The following CACNA1G variants were observed in gnomAD, a reference collection of about 807,000 sequenced individuals.
CACNA1G encodes calcium voltage-gated channel subunit alpha1 G.
CACNA1G carries 67 observed loss-of-function variants against 219.4 expected under a neutral mutation model. The observed-to-expected ratio is 0.31, with a 90% confidence interval of 0.25 to 0.37. The LOEUF (loss-of-function observed/expected upper bound fraction) is 0.37, where lower values mean the gene tolerates loss of function less well. Ranked by LOEUF, CACNA1G falls within the 10% of genes least tolerant of loss-of-function variation. The pLI is 1.00. For missense variants in CACNA1G, 2,380 were observed against 3,231.4 expected (o/e 0.74, Z 6.39); for synonymous variants, 1,296 against 1,345.3 (o/e 0.96, Z 0.80).
intron 22 of CACNA1G, 61 bp downstream of exon 22, chr17:50,604,342 C>T: frequency 4.4e-6 from 7 of 1,581,836 alleles, no homozygotes; most frequent in South Asian, 1.1e-5. Flanking sequence ...TTCCCCTTGG[C>T]CCCTGGGTCC....
chr17:50,609,824 G>A, intron 25 of CACNA1G, 58 bp from the exon 26 acceptor site: 1 of 1,531,860 alleles, frequency 6.5e-7, no homozygotes, highest in Non-Finnish European at 9.0e-7. Context: ...GCCCCTGAGG[G>A]GCCCTGCCCA....
intron 1 of CACNA1G, among the ~76,000 whole-genome samples, chr17:50,564,094 T>A (rs2036915593): frequency 6.6e-6 from 1 of 150,718 alleles, no homozygotes. Flanking sequence ...GGACCAGGTT[T>A]CCTAGAGAGG....
chr17:50,576,354 G>A, intron 8 of CACNA1G, 28 bp downstream of exon 8: 1 of 1,555,956 alleles, frequency 6.4e-7, no homozygotes, highest in African/African-American at 1.4e-5. Flanking sequence ...AGGCATGTGG[G>A]TGCCCTCGTC....
intron 36 of CACNA1G, 120 bp from the exon 37 acceptor site, chr17:50,624,240 G>A: frequency 4.8e-6 from 6 of 1,249,552 alleles, no homozygotes; most frequent in Non-Finnish European, 6.8e-6. Context: ...AGGGGGTAAG[G>A]GTAGAGGCCC....
chr17:50,626,657 G>A lies in CACNA1G; in HGVS notation c.7040G>A (p.Gly2347Asp). 10 of 1,613,054 alleles carry A rather than the reference G, an allele frequency of 6.2e-6. No individual in the cohort carries two copies. The highest frequency in any genetic ancestry group is 8.5e-6 in the Non-Finnish European group (10 of 1,179,780). ...SSDSKDPLAS[G>D]PPDSMAASPS... ...GACTCCAAGGATCCCTTGGCCTCTG[G>A]CCCCCCTGACAGCATGGCTGCCTCG... is the stretch of plus-strand genomic sequence containing the variant. Residue 2347 changes from glycine (G) to aspartate (D), a missense_variant, in exon 38 of 38, where the codon GGC becomes GAC. Coordinates refer to ENST00000359106, the MANE Select transcript of CACNA1G (RefSeq NM_018896.5). This position sits in a 1 kb window ranked among gnomAD's most constrained non-coding sequence, Gnocchi z 4.3.
At chr17:50,583,264 G>A (rs1322334494) in intron 9 of CACNA1G, among the ~76,000 whole-genome samples, 1 of 152,146 alleles carries the variant, frequency 6.6e-6, no homozygotes, top group Non-Finnish European at 1.5e-5. Context: ...GCAGCTGACT[G>A]GCCCCAGACA....
At chr17:50,611,920 T>C (rs1157775163) in intron 26 of CACNA1G, among the ~76,000 whole-genome samples, 2 of 152,312 alleles carry the variant, frequency 1.3e-5, no homozygotes, top group East Asian at 1.9e-4. Flanking sequence ...CTGAAGTGGA[T>C]AGACCCCACT....
At chr17:50,602,584 G>A (rs2046959267) in intron 19 of CACNA1G, among the ~76,000 whole-genome samples, 1 of 152,190 alleles carries the variant, frequency 6.6e-6, no homozygotes, top group South Asian at 2.1e-4. Flanking sequence ...CTGTGGGGGC[G>A]GGGAGCTCTG....
chr17:50,574,844 G>A (rs778215758), intron 7 of CACNA1G, among the ~76,000 whole-genome samples: 6 of 152,198 alleles, frequency 3.9e-5, no homozygotes, highest in Non-Finnish European at 8.8e-5. Context: ...GAGGCGTGGA[G>A]ATGGGGACTG....
chr17:50,624,083 G>A lies in CACNA1G; in HGVS notation c.6229+8G>A, dbSNP rs1257104012. The A allele has an allele frequency of 5.0e-6, 8 of 1,607,622 alleles. No individual in the cohort carries two copies. The highest frequency in any genetic ancestry group is 2.2e-5 in the East Asian group (1 of 44,704). On this transcript the variant is annotated splice_region_variant and intron_variant, in intron 36 of 37. Transcript: ENST00000359106. ...TCCCCAAAGCTCAGTCAGGTACCAGGGCTAGAGCAGGCCAATTTGGCTCAC... is the reference window on the plus strand; with the variant it reads ...TCCCCAAAGCTCAGTCAGGTACCAGAGCTAGAGCAGGCCAATTTGGCTCAC...
rs1198454286 is a variant in CACNA1G at position 50,608,006 on chromosome 17, G to A, written c.4692G>A (p.Glu1564=). Residue 1564 remains glutamate (E), a synonymous_variant, in exon 25 of 38, where the codon GAG becomes GAA. Transcript: ENST00000359106. ...AGGAGAAGCGCCTACGAAGACTGGA[G>A]AAAAAGAGAAGGAGTAAGGAGAAGC... is the stretch of plus-strand genomic sequence containing the variant. ...RREEKRLRRL[E]KKRRNLMLDD... 18 of 1,609,170 alleles carry A rather than the reference G, an allele frequency of 1.1e-5. No homozygotes were observed. The highest frequency in any genetic ancestry group is 1.5e-5 in the Non-Finnish European group (18 of 1,177,768).
chr17:50,590,507 A>G lies in CACNA1G; in HGVS notation c.2338A>G (p.Ile780Val), dbSNP rs2044061827. ...TACCAACGCCCTAGAAATCAGCAACATCGTCTTCACCAGCCTCTTTGCCCT... is the reference window on the plus strand; with the variant it reads ...TACCAACGCCCTAGAAATCAGCAACGTCGTCTTCACCAGCCTCTTTGCCCT... ...ELTNALEISN[I>V]VFTSLFALEM... The change falls in exon 10 of 38, where the codon ATC becomes GTC. Residue 780 changes from isoleucine to valine, a missense_variant. Physicochemically the swap from Ile to Val is conservative, Grantham distance 29. Transcript: ENST00000359106. 6.2e-7 allele frequency: 1 copy of G among 1,613,924 alleles called. No individual in the cohort carries two copies. Among genetic ancestry groups the G allele is most frequent in the Non-Finnish European group, 8.5e-7 (1 of 1,179,870 alleles).
In CACNA1G at chr17:50,626,522, C is replaced by T. The variant is rs1275954827; in HGVS notation, c.6905C>T (p.Pro2302Leu). The T allele has an allele frequency of 6.4e-7, 1 of 1,572,882 alleles. No homozygotes were observed. Among genetic ancestry groups the T allele is most frequent in the Non-Finnish European group, 8.6e-7 (1 of 1,161,448 alleles). The change falls in exon 38 of 38, where the codon CCC becomes CTC. Residue 2302 changes from proline (P) to leucine (L), a missense_variant. By Grantham distance (98) the Pro-to-Leu change is moderately conservative. Coordinates refer to ENST00000359106, the MANE Select transcript of CACNA1G (RefSeq NM_018896.5). The surrounding 1 kb of genome is among the most constrained non-coding windows in gnomAD (Gnocchi z 4.3). ...GQPLGGPGSR[P>L]KKKLSPPSIT... ...CCTCTTGGGGGGCCTGGGAGCCGGC[C>T]CAAGAAAAAACTCAGCCCGCCTAGT...
At chr17:50,586,918 A>G (rs1055065562) in intron 9 of CACNA1G, among the ~76,000 whole-genome samples, 2 of 152,142 alleles carry the variant, frequency 1.3e-5, no homozygotes, top group African/African-American at 4.8e-5. Context: ...TGGGAGATGG[A>G]GATTTACAGT....
Position 50,596,899 on chromosome 17 carries a change from G to A in CACNA1G, c.3234G>A (p.Gly1078=). 6.4e-7 allele frequency: 1 copy of A among 1,571,686 alleles called. No homozygotes were observed. The highest frequency in any genetic ancestry group is 8.6e-7 in the Non-Finnish European group (1 of 1,158,696). ...RTSSSGSAEP[G]AAHEMKSPPS... The stretch of plus-strand genomic sequence containing the variant: ...GCAGCAGCGGGTCGGCAGAGCCTGG[G>A]GCGGCCCACGAGATGAAGTCACCGG... The change falls in exon 16 of 38, where the codon GGG becomes GGA. Residue 1078 remains glycine, a synonymous_variant. Transcript: ENST00000359106. The surrounding 1 kb of genome is among the most constrained non-coding windows in gnomAD (Gnocchi z 4.8).
intron 14 of CACNA1G, among the ~76,000 whole-genome samples, chr17:50,595,393 C>A (rs1395131520): frequency 2.0e-5 from 3 of 152,230 alleles, no homozygotes; most frequent in Non-Finnish European, 4.4e-5. Flanking sequence ...CGTGCCTGTG[C>A]TGAGGTCCCG....
At chr17:50,606,114 G>A (rs1004535935) in intron 23 of CACNA1G, 91 bp downstream of exon 23, 20 of 1,548,174 alleles carry the variant, frequency 1.3e-5, no homozygotes, top group Admixed American at 1.0e-4. Context: ...CTCCGGTGGA[G>A]GTGGGCTCCA....
At chr17:50,612,259 G>A (rs2049374036) in intron 26 of CACNA1G, among the ~76,000 whole-genome samples, 1 of 152,236 alleles carries the variant, frequency 6.6e-6, no homozygotes, top group African/African-American at 2.4e-5. Context: ...CTCCCTGCTA[G>A]CACTCCTGTC....
In CACNA1G at chr17:50,590,548, G is replaced by A; in HGVS notation, c.2379G>A (p.Lys793=). The A allele has an allele frequency of 1.2e-6, 2 of 1,614,014 alleles. No individual in the cohort carries two copies. Among genetic ancestry groups the A allele is most frequent in the African/African-American group, 1.3e-5 (1 of 75,058 alleles). Residue 793 remains lysine (K), a synonymous_variant, in exon 10 of 38, where the codon AAG becomes AAA. Coordinates refer to ENST00000359106, the MANE Select transcript of CACNA1G (RefSeq NM_018896.5). ...TSLFALEMLL[K]LLVYGPFGYI... is the part of the protein sequence containing the mutation. ...TCTTTGCCCTGGAGATGCTGCTGAAGCTGCTTGTGTATGGTCCCTTTGGCT... is the reference window on the plus strand; with the variant it reads ...TCTTTGCCCTGGAGATGCTGCTGAAACTGCTTGTGTATGGTCCCTTTGGCT...
Sources: allele counts gnomAD v4.1 joint callset (sites outside exome capture counted in the v4.1 genomes callset), GRCh38; gene constraint gnomAD v4.1.1; non-coding constraint Gnocchi (gnomAD v3.1); transcripts MANE v1.5; gene names NCBI Gene and HGNC (gene_info 2026-07-23, HGNC 2026-07-21).